Variants in DAZL observed in about 807,000 individuals in gnomAD.
DAZL encodes deleted in azoospermia-like.
Under a neutral mutation model 45.0 loss-of-function variants are expected in DAZL, and 4 were observed. The ratio of observed to expected loss-of-function variants is 0.09; its 90% CI spans 0.04 to 0.20. The LOEUF (loss-of-function observed/expected upper bound fraction) is 0.20. Among genes scored for constraint, DAZL ranks in the 10% least tolerant of loss-of-function variants. The pLI, the probability that DAZL is intolerant of heterozygous loss-of-function variation, is 1.00. For synonymous variants in DAZL, 122 were observed against 112.4 expected (o/e 1.09, Z -0.54); for missense variants, 326 against 351.3 (o/e 0.93, Z 0.58).
chr3:16,595,635 T>C (rs1694588290), intron 6 of DAZL, among the ~76,000 whole-genome samples: 1 of 152,072 alleles, frequency 6.6e-6, no homozygotes, highest in Non-Finnish European at 1.5e-5. Context: ...AAGTTTATCA[T>C]ATTTATACTG....
chr3:16,596,652 G>A, intron 6 of DAZL, 98 bp downstream of exon 6: 1 of 1,298,042 alleles, frequency 7.7e-7, no homozygotes, highest in Non-Finnish European at 1.1e-6. Flanking sequence ...ATTCAAACAG[G>A]GATGCCATTA....
At chr3:16,595,520 C>A (rs2125045574) in intron 6 of DAZL, 135 bp from the exon 7 acceptor site, 1 of 546,492 alleles carries the variant, frequency 1.8e-6, no homozygotes, top group Non-Finnish European at 3.2e-6. Context: ...ATTCTAAATG[C>A]ATGACTGACT....
intron 1 of DAZL, among the ~76,000 whole-genome samples, chr3:16,600,503 G>A (rs1455920617): frequency 3.3e-5 from 5 of 152,136 alleles, no homozygotes; most frequent in African/African-American, 9.7e-5. Context: ...TATTTCTACA[G>A]TTTTTCCTTT....
chr3:16,602,582 C>T (rs112055352), intron 1 of DAZL, among the ~76,000 whole-genome samples: 1 of 152,136 alleles, frequency 6.6e-6, no homozygotes, highest in Non-Finnish European at 1.5e-5. Context: ...AACAAAGCCT[C>T]ATCAAGATGA....
In DAZL at chr3:16,587,810, TA is replaced by T. The variant is rs34625250; in HGVS notation, c.*849del. On this transcript the variant is annotated 3_prime_UTR_variant, in exon 11 of 11. Transcript: ENST00000399444. ...CCCTTCAGATACTCTGATTAACCTC[TA>T]AGAGACATAAAAAAGTTGCAGCATT... 0.055 allele frequency: 8,451 copies of T among 154,982 alleles called. 340 individuals are homozygous for T. Among genetic ancestry groups the T allele is most frequent in the Non-Finnish European group, 0.088 (6,118 of 69,776 alleles). The allele number at this position is 154,982 out of a possible 1,614,324, so 9.6% of individuals were successfully genotyped here. A position where few individuals can be genotyped will look rare whatever the true frequency, so the allele number is the denominator to read the frequency against.
chr3:16,588,283 A>G lies in DAZL; in HGVS notation c.*377T>C. On this transcript the variant is annotated 3_prime_UTR_variant, in exon 11 of 11. Transcript: ENST00000399444. The stretch of plus-strand genomic sequence containing the variant: ...TGTACTGTTCACAGGTACTTGTTGG[A>G]GAAGTGAAATGTTTGTATTCAGACC... 3.5e-6 allele frequency: 1 copy of G among 286,470 alleles called. No individual in the cohort carries two copies. Among genetic ancestry groups the G allele is most frequent in the Non-Finnish European group, 6.7e-6 (1 of 148,238 alleles). The allele number at this position is 286,470 out of a possible 1,614,324, so 17.7% of individuals were successfully genotyped here.
Position 16,601,991 on chromosome 3 carries a change from T to C in DAZL, c.3+3212A>G, listed in dbSNP as rs150888036. Among the ~76,000 whole-genome samples, 565 of 152,240 alleles carry C rather than the reference T, an allele frequency of 3.7e-3. 1 individual carries two copies. The highest frequency in any genetic ancestry group is 6.4e-3 in the Non-Finnish European group (433 of 68,004). On this transcript the variant is annotated intron_variant, in intron 1 of 10. Coordinates refer to ENST00000399444, the MANE Select transcript of DAZL (RefSeq NM_001351.4). ...AACTGACCAGGAAAAAGGCTATAATTTGTAGTTATCAAAGTTACGTTCACA... is the reference window on the plus strand; with the variant it reads ...AACTGACCAGGAAAAAGGCTATAATCTGTAGTTATCAAAGTTACGTTCACA...
intron 1 of DAZL, among the ~76,000 whole-genome samples, chr3:16,604,183 G>A (rs1354081666): frequency 2.0e-5 from 3 of 152,146 alleles, no homozygotes; most frequent in African/African-American, 7.2e-5. Context: ...TGAAGAGACT[G>A]AGAATTATCA....
rs760917081 is a variant in DAZL at position 16,592,056 on chromosome 3, G to A, written c.828C>T (p.Tyr276=). 1.2e-6 allele frequency: 2 copies of A among 1,612,514 alleles called. No individual in the cohort carries two copies. Among genetic ancestry groups the A allele is most frequent in the East Asian group, 4.5e-5 (2 of 44,810 alleles). The change falls in exon 10 of 11, where the codon TAC becomes TAT. Residue 276 remains tyrosine, a synonymous_variant. Transcript: ENST00000399444. ...GTAACTGTTATATTCATACCTTGAA[G>A]TAGTCATCTTGAGTAACAACAGAGT... ...LRNSVVTQDD[Y]FKDKRVHHFR...
chr3:16,594,302 G>A (rs1157171392), intron 8 of DAZL, among the ~76,000 whole-genome samples: 1 of 151,966 alleles, frequency 6.6e-6, no homozygotes, highest in Non-Finnish European at 1.5e-5. Context: ...TTATCATTAT[G>A]TGGACCAGCC....
chr3:16,597,970 A>G (rs1694625802), intron 3 of DAZL, 117 bp downstream of exon 3: 1 of 1,131,656 alleles, frequency 8.8e-7, no homozygotes, highest in South Asian at 1.4e-5. Flanking sequence ...TATCCTCTAC[A>G]TGAAAGAAAT....
In DAZL at chr3:16,588,389, C is replaced by T. The variant is rs1694469968; in HGVS notation, c.*271G>A. On this transcript the variant is annotated 3_prime_UTR_variant, in exon 11 of 11. Coordinates refer to ENST00000399444, the MANE Select transcript of DAZL (RefSeq NM_001351.4). ...TATTTGCTTTTAAACACTTAAAATG[C>T]CAATTTTTAAAAAATCCTTGCAGAT... 1 of 365,210 alleles carries T rather than the reference C, an allele frequency of 2.7e-6. No individual in the cohort carries two copies. Among genetic ancestry groups the T allele is most frequent in the African/African-American group, 2.1e-5 (1 of 48,184 alleles). 22.6% of individuals were successfully genotyped at this position (365,210 alleles called of 1,614,324 possible).
rs1007111026 is a variant in DAZL, at chr3:16,598,717, G to A, written c.4-119C>T. The stretch of plus-strand genomic sequence containing the variant: ...TTTATATAAATTACTTTCATTCTAA[G>A]TTAGTTCAGGCTCAGGATTTAAACT... On this transcript the variant is annotated intron_variant, in intron 1 of 10. Transcript: ENST00000399444. 4 of 1,140,704 alleles carry A rather than the reference G, an allele frequency of 3.5e-6. No homozygotes were observed. In the East Asian group the frequency reaches 1.2e-4, roughly 35 times the overall value. 70.7% of individuals were successfully genotyped at this position (1,140,704 alleles called of 1,614,324 possible).
chr3:16,602,989 G>A (rs960612505), intron 1 of DAZL, among the ~76,000 whole-genome samples: 1 of 152,084 alleles, frequency 6.6e-6, no homozygotes, highest in African/African-American at 2.4e-5. Context: ...GCTAATGATC[G>A]ATCAACTTCA....
At chr3:16,593,577 T>C in intron 9 of DAZL, 78 bp downstream of exon 9, 1 of 937,000 alleles carries the variant, frequency 1.1e-6, no homozygotes, top group Admixed American at 2.2e-5. Context: ...TGCTGAAGGA[T>C]GATTGCTTCT....
intron 7 of DAZL, 132 bp downstream of exon 7, chr3:16,595,182 A>C (rs2125045440): frequency 1.9e-6 from 1 of 538,986 alleles, no homozygotes; most frequent in South Asian, 3.4e-5. Flanking sequence ...TTAATTCTAG[A>C]CTAATTTTTT....
At chr3:16,600,805 T>C (rs1235531297) in intron 1 of DAZL, among the ~76,000 whole-genome samples, 1 of 152,240 alleles carries the variant, frequency 6.6e-6, no homozygotes, top group Non-Finnish European at 1.5e-5. Flanking sequence ...TATTTTAATT[T>C]AGAAGTGTAA....
chr3:16,601,489 G>A (rs879670820), intron 1 of DAZL, among the ~76,000 whole-genome samples: 2 of 152,048 alleles, frequency 1.3e-5, no homozygotes, highest in Non-Finnish European at 2.9e-5. Context: ...TTTTTACCAC[G>A]GCTTGATTAG....
chr3:16,592,627 T>C (rs1694539118), intron 9 of DAZL, among the ~76,000 whole-genome samples: 1 of 152,018 alleles, frequency 6.6e-6, no homozygotes, highest in African/African-American at 2.4e-5. Context: ...TTACCACGTA[T>C]CACTCAATAT....
Sources: gnomAD v4.1 joint callset for allele counts (sites outside exome capture counted in the v4.1 genomes callset) on GRCh38, gnomAD v4.1.1 for gene constraint, MANE v1.5 for transcripts, NCBI Gene and HGNC (gene_info 2026-07-23, HGNC 2026-07-21) for gene names.